Variants in CDCA7L observed in about 807,000 individuals in gnomAD.
CDCA7L encodes cell division cycle-associated 7-like protein.
A neutral mutation model predicts 57.4 loss-of-function variants in CDCA7L; 44 were observed. The ratio of observed to expected loss-of-function variants is 0.77; its 90% CI spans 0.60 to 0.98. The LOEUF is 0.98. CDCA7L is among the 50% of genes least tolerant of loss of function. The probability of loss-of-function intolerance (pLI) is 0.00; values close to 1 mark genes in which losing one functional copy is unlikely to be tolerated. For missense variants in CDCA7L, 644 were observed against 580.6 expected (o/e 1.11, Z -1.12); for synonymous variants, 236 against 202.8 (o/e 1.16, Z -1.39).
intron 1 of CDCA7L, among the ~76,000 whole-genome samples, chr7:21,922,752 T>G (rs1785692708): frequency 6.6e-6 from 1 of 152,110 alleles, no homozygotes; most frequent in African/African-American, 2.4e-5. Context: ...AGCCAAAAGG[T>G]GGAAGCAATC....
At chr7:21,902,725 C>T (rs1256790933) in intron 9 of CDCA7L, 4 of 500,992 alleles carry the variant, frequency 8.0e-6, no homozygotes, top group East Asian at 3.3e-5. Context: ...TTCTGTCATA[C>T]ACCTCAAGGA....
In CDCA7L at chr7:21,901,407, A is replaced by AAATACTAGAAACTAACTCAGGGCT; in HGVS notation, c.*891_*914dup. On this transcript the variant is annotated 3_prime_UTR_variant, in exon 10 of 10. Coordinates refer to ENST00000406877, the MANE Select transcript of CDCA7L (RefSeq NM_018719.5). ...TATCCTTAGAGTGAAAGTCAGAAAA[A>AAATACTAGAAACTAACTCAGGGCT]AATACTAGAAACTAACTCAGGGCTG... 1 of 1,121,230 alleles carries AAATACTAGAAACTAACTCAGGGCT rather than the reference A, an allele frequency of 8.9e-7. No individual in the cohort carries two copies. Among genetic ancestry groups the AAATACTAGAAACTAACTCAGGGCT allele is most frequent in the Non-Finnish European group, 1.2e-6 (1 of 855,408 alleles). 69.5% of individuals were successfully genotyped at this position (1,121,230 alleles called of 1,614,324 possible). A position where few individuals can be genotyped will look rare whatever the true frequency, so the allele number is the denominator to read the frequency against.
At chr7:21,907,102 A>T (rs1785166159) in intron 4 of CDCA7L, among the ~76,000 whole-genome samples, 1 of 152,138 alleles carries the variant, frequency 6.6e-6, no homozygotes, top group Non-Finnish European at 1.5e-5. Flanking sequence ...ATTTCTCATC[A>T]ATCAAAGTAA....
At chr7:21,924,256 G>A (rs1368125616) in intron 1 of CDCA7L, among the ~76,000 whole-genome samples, 1 of 152,096 alleles carries the variant, frequency 6.6e-6, no homozygotes, top group African/African-American at 2.4e-5. Context: ...TGATACAAGG[G>A]CTGATTCTGA....
rs367590691 is a variant in CDCA7L, at chr7:21,921,685, A to T, written c.25-4791T>A. On this transcript the variant is annotated intron_variant, in intron 1 of 9. Coordinates refer to ENST00000406877, the MANE Select transcript of CDCA7L (RefSeq NM_018719.5). ...AAAAGAAAACTACAACAAGTAACTG[A>T]AAACAACAAAAATACAAAATTTCTC... Among the ~76,000 whole-genome samples the T allele has an allele frequency of 5.9e-5, 9 of 152,172 alleles. No individual in the cohort carries two copies. In the South Asian group the frequency reaches 8.3e-4, roughly 14 times the overall value.
chr7:21,927,757 T>C (rs1785871785), intron 1 of CDCA7L, among the ~76,000 whole-genome samples: 1 of 152,184 alleles, frequency 6.6e-6, no homozygotes, highest in African/African-American at 2.4e-5. Flanking sequence ...CTAAAGACAA[T>C]CTTGAAAGTA....
At chr7:21,907,798 T>G (rs1307293240) in intron 4 of CDCA7L, among the ~76,000 whole-genome samples, 2 of 152,170 alleles carry the variant, frequency 1.3e-5, no homozygotes, top group African/African-American at 4.8e-5. Flanking sequence ...TGCTTTACTC[T>G]GCTGGGAACG....
At chr7:21,932,757 C>T (rs999899731) in intron 1 of CDCA7L, among the ~76,000 whole-genome samples, 2 of 152,142 alleles carry the variant, frequency 1.3e-5, no homozygotes, top group Admixed American at 6.5e-5. Flanking sequence ...GACTTCATGA[C>T]TAAAACACCA....
In CDCA7L at chr7:21,905,607, G is replaced by C. The variant is rs775830609; in HGVS notation, c.946C>G (p.Arg316Gly). ...GGCCGAAAAGAAGATATACGGTGAC[G>C]TCGTCTGTACTCCCGGCATTTCCCC... ...IGGKCREYRR[R>G]HRISSFRPVE... Residue 316 changes from arginine (R) to glycine (G), a missense_variant, in exon 7 of 10, where the codon CGT (arginine) becomes GGT (glycine). Coordinates refer to ENST00000406877, the MANE Select transcript of CDCA7L (RefSeq NM_018719.5). 4 of 1,613,766 alleles carry C rather than the reference G, an allele frequency of 2.5e-6. No individual in the cohort carries two copies. The East Asian group carries it at 8.9e-5, about 36-fold the overall frequency.
chr7:21,901,372 T>C lies in CDCA7L; in HGVS notation c.*950A>G. ...TTTAGTAACTCACACGTGCATTCTTTTTTCAACGCTATCCTTAGAGTGAAA... is the reference window on the plus strand; with the variant it reads ...TTTAGTAACTCACACGTGCATTCTTCTTTCAACGCTATCCTTAGAGTGAAA... On this transcript the variant is annotated 3_prime_UTR_variant, in exon 10 of 10. Coordinates refer to ENST00000406877, the MANE Select transcript of CDCA7L (RefSeq NM_018719.5). The C allele has an allele frequency of 7.5e-7, 1 of 1,328,028 alleles. No individual in the cohort carries two copies. Among genetic ancestry groups the C allele is most frequent in the Non-Finnish European group, 9.8e-7 (1 of 1,020,144 alleles). The allele number at this position is 1,328,028 out of a possible 1,614,324, so 82.3% of individuals were successfully genotyped here.
At chr7:21,911,274 GC>G (rs1785317624) in intron 3 of CDCA7L, among the ~76,000 whole-genome samples, 2 of 151,876 alleles carry the variant, frequency 1.3e-5, no homozygotes, top group South Asian at 2.1e-4. Context: ...AGGTCCACCC[GC>G]CTCGGCCTCC....
intron 2 of CDCA7L, among the ~76,000 whole-genome samples, chr7:21,915,471 T>C (rs377403450): frequency 6.6e-6 from 1 of 151,846 alleles, no homozygotes. Flanking sequence ...AACATCTGCA[T>C]TTAGGGACAC....
At chr7:21,916,509 T>C (rs1385309748) in intron 2 of CDCA7L, among the ~76,000 whole-genome samples, 2 of 79,956 alleles carry the variant, frequency 2.5e-5, no homozygotes, top group Non-Finnish European at 4.6e-5. Context: ...TGAGGTCCCT[T>C]TATTTAAAAA....
At chr7:21,905,477 A>G (rs141457925) in intron 7 of CDCA7L, 29 bp downstream of exon 7, 18 of 1,610,242 alleles carry the variant, frequency 1.1e-5, no homozygotes, top group Admixed American at 8.3e-5. Flanking sequence ...TCGACTCCCA[A>G]TAAGAATGAC....
intron 1 of CDCA7L, among the ~76,000 whole-genome samples, chr7:21,932,182 C>T (rs1169796077): frequency 2.0e-5 from 3 of 152,158 alleles, no homozygotes; most frequent in Admixed American, 1.3e-4. Context: ...ATATTCCATG[C>T]TCATGGATAG....
intron 1 of CDCA7L, among the ~76,000 whole-genome samples, chr7:21,940,811 C>T (rs1375156638): frequency 6.6e-6 from 1 of 152,240 alleles, no homozygotes; most frequent in African/African-American, 2.4e-5. Flanking sequence ...GCAGTCACTT[C>T]CACTAAATGT....
chr7:21,909,062 C>T (rs1212777264), intron 3 of CDCA7L, among the ~76,000 whole-genome samples: 1 of 152,166 alleles, frequency 6.6e-6, no homozygotes, highest in Non-Finnish European at 1.5e-5. Flanking sequence ...TTCTCTGGAA[C>T]CCTCAGAGCC....
At chr7:21,940,289 A>C in intron 1 of CDCA7L, 3 of 984,676 alleles carry the variant, frequency 3.0e-6, no homozygotes, top group Non-Finnish European at 3.6e-6. Context: ...AGCCCTGATG[A>C]CTTCCAAACT....
intron 3 of CDCA7L, among the ~76,000 whole-genome samples, chr7:21,909,897 C>A (rs886136604): frequency 6.6e-6 from 1 of 152,154 alleles, no homozygotes; most frequent in African/African-American, 2.4e-5. Flanking sequence ...GGCCAGCAGA[C>A]CCCTGGAAAC....
Sources: gnomAD v4.1 joint callset for allele counts (sites outside exome capture counted in the v4.1 genomes callset) on GRCh38, gnomAD v4.1.1 for gene constraint, MANE v1.5 for transcripts, NCBI Gene and HGNC (gene_info 2026-07-23, HGNC 2026-07-21) for gene names.